ZC3H12C: variants seen among roughly 807,000 people sequenced by gnomAD.
The protein encoded by ZC3H12C is probable ribonuclease ZC3H12C.
ZC3H12C carries 20 observed loss-of-function variants against 76.3 expected under a neutral mutation model. The ratio of observed to expected loss-of-function variants is 0.26; its 90% CI spans 0.18 to 0.38. ZC3H12C has a LOEUF of 0.38. Ranked by LOEUF, ZC3H12C falls within the 10% of genes least tolerant of loss-of-function variation. The pLI is 1.00. For missense variants in ZC3H12C, 874 were observed against 1,086.5 expected, an observed-to-expected ratio of 0.80 and a Z score of 2.75; for synonymous variants, 352 against 399.6, an observed-to-expected ratio of 0.88 and a Z score of 1.42.
chr11:110,138,645 C>T (rs1862014716), intron 2 of ZC3H12C, among the ~76,000 whole-genome samples: 1 of 151,818 alleles, frequency 6.6e-6, no homozygotes, highest in African/African-American at 2.4e-5. Flanking sequence ...GCAACCTCCG[C>T]CCCCAGGTTC....
rs1431314557 is a variant in ZC3H12C, at chr11:110,169,833, G to A, written c.*4096G>A. 1.3e-5 allele frequency: 2 copies of A among 152,148 alleles called. No homozygotes were observed. The highest frequency in any genetic ancestry group is 6.5e-5 in the Admixed American group (1 of 15,270). 9.4% of individuals were successfully genotyped at this position (152,148 alleles called of 1,614,324 possible). Reference sequence around the variant, plus strand: ...AAGGATCAGATAGTAAATAATACAGGAATCATATGGACTTCAAATGCCATT... The same window carrying A: ...AAGGATCAGATAGTAAATAATACAGAAATCATATGGACTTCAAATGCCATT... On this transcript the variant is annotated 3_prime_UTR_variant, in exon 6 of 6. Transcript: ENST00000278590.
chr11:110,162,921 T>C (rs621672), intron 4 of ZC3H12C, among the ~76,000 whole-genome samples: 108,600 of 152,006 alleles, frequency 0.71, 39,110 homozygotes, highest in South Asian at 0.79. Context: ...CAGCAGTCCA[T>C]TTCATGAGGT....
chr11:110,095,615 GC>G (rs2134138506), intron 1 of ZC3H12C, among the ~76,000 whole-genome samples: 1 of 152,278 alleles, frequency 6.6e-6, no homozygotes, highest in Non-Finnish European at 1.5e-5. Context: ...GCTGTGTAAG[GC>G]CCCCGACCTC....
chr11:110,164,881 TG>T lies in ZC3H12C; in HGVS notation c.1797del (p.Ser600ValfsTer14), dbSNP rs1461858427. On this transcript the variant is annotated frameshift_variant, in exon 6 of 6. Coordinates refer to ENST00000278590, the MANE Select transcript of ZC3H12C (RefSeq NM_033390.2). LOFTEE classifies it high-confidence loss of function. The surrounding 1 kb of genome is among the most constrained non-coding windows in gnomAD (Gnocchi z 5.7). The part of the protein sequence containing the change: ...YYSMLNAYSN[L>X]SLSGPRSPER... Reference sequence around the variant, plus strand: ...TCCATGTTGAATGCATACTCAAATCTGAGTCTCTCAGGCCCACGAAGCCCTG... The same window carrying T: ...TCCATGTTGAATGCATACTCAAATCTAGTCTCTCAGGCCCACGAAGCCCTG... 5.6e-6 allele frequency: 9 copies of T among 1,613,886 alleles called. No homozygotes were observed. The highest frequency in any genetic ancestry group is 7.6e-6 in the Non-Finnish European group (9 of 1,179,888).
In ZC3H12C at chr11:110,136,745, A is replaced by G; in HGVS notation, c.104A>G (p.Lys35Arg). Reference sequence around the variant, plus strand: ...ACACGTAACAACTTCATGGGCTTGAAGGATCACCTAGGGCATGACCTCGGC... The same window carrying G: ...ACACGTAACAACTTCATGGGCTTGAGGGATCACCTAGGGCATGACCTCGGC... ...SSTRNNFMGL[K>R]DHLGHDLGHL... The change falls in exon 2 of 6, where the codon AAG becomes AGG. Residue 35 changes from lysine to arginine, a missense_variant. Around this residue, in one of 3 missense-constraint regions of ZC3H12C, gnomAD observed 210 missense variants for 227.1 expected, o/e 0.92. Coordinates refer to ENST00000278590, the MANE Select transcript of ZC3H12C (RefSeq NM_033390.2). 6.2e-7 allele frequency: 1 copy of G among 1,614,014 alleles called. No homozygotes were observed. Among genetic ancestry groups the G allele is most frequent in the Non-Finnish European group, 8.5e-7 (1 of 1,179,894 alleles).
intron 2 of ZC3H12C, among the ~76,000 whole-genome samples, chr11:110,147,453 G>T (rs766581639): frequency 6.6e-6 from 1 of 151,946 alleles, no homozygotes; most frequent in Non-Finnish European, 1.5e-5. Flanking sequence ...CCTGTCAGGG[G>T]GTCGGAGGGA....
chr11:110,135,490 CAAAAAA>C (rs60107794), intron 1 of ZC3H12C, among the ~76,000 whole-genome samples: 3 of 95,320 alleles, frequency 3.1e-5, no homozygotes, highest in African/African-American at 4.3e-5. Flanking sequence ...ACTCCCGTCT[CAAAAAA>C]AAAAAAAAAA....
At chr11:110,108,605 G>C (rs1031083049) in intron 1 of ZC3H12C, among the ~76,000 whole-genome samples, 1 of 152,006 alleles carries the variant, frequency 6.6e-6, no homozygotes, top group Non-Finnish European at 1.5e-5. Flanking sequence ...TTTTGCTCCT[G>C]GACTCTTTTT....
At position 110,164,881 on chromosome 11, in the gene ZC3H12C, T is replaced by G; in HGVS notation, c.1796T>G (p.Leu599Arg). 2 of 1,614,004 alleles carry G rather than the reference T, an allele frequency of 1.2e-6. No individual in the cohort carries two copies. The highest frequency in any genetic ancestry group is 1.7e-6 in the Non-Finnish European group (2 of 1,179,880). The change falls in exon 6 of 6, where the codon CTG becomes CGG. Residue 599 changes from leucine (L) to arginine (R), a missense_variant. Coordinates refer to ENST00000278590, the MANE Select transcript of ZC3H12C (RefSeq NM_033390.2). The surrounding 1 kb of genome is among the most constrained non-coding windows in gnomAD (Gnocchi z 5.7). ...TCCATGTTGAATGCATACTCAAATC[T>G]GAGTCTCTCAGGCCCACGAAGCCCT... ...YYSMLNAYSN[L>R]SLSGPRSPER...
rs1037608393 is a variant in ZC3H12C at position 110,170,143 on chromosome 11, A to G, written c.*4406A>G. On this transcript the variant is annotated 3_prime_UTR_variant, in exon 6 of 6. Transcript: ENST00000278590. ...ATGTTAAAGCATCTTAATTCATTTG[A>G]GTTTTCTTACCTGTTTACACCCATT... 2.0e-5 allele frequency: 3 copies of G among 152,126 alleles called. No individual in the cohort carries two copies. Among genetic ancestry groups the G allele is most frequent in the Non-Finnish European group, 1.5e-5 (1 of 67,998 alleles). The allele number at this position is 152,126 out of a possible 1,614,324, so 9.4% of individuals were successfully genotyped here.
intron 1 of ZC3H12C, among the ~76,000 whole-genome samples, chr11:110,132,221 T>G (rs1861880050): frequency 6.6e-6 from 1 of 151,596 alleles, no homozygotes; most frequent in African/African-American, 2.4e-5. Flanking sequence ...CTCTTTAGAA[T>G]AGAAAAAAGA....
chr11:110,103,854 TG>T (rs1861267320), intron 1 of ZC3H12C, among the ~76,000 whole-genome samples: 1 of 152,074 alleles, frequency 6.6e-6, no homozygotes, highest in African/African-American at 2.4e-5. Flanking sequence ...CCGCCCGCCT[TG>T]GCCTCCCAAA....
chr11:110,095,536 G>A (rs1280317712), intron 1 of ZC3H12C, among the ~76,000 whole-genome samples: 1 of 152,180 alleles, frequency 6.6e-6, no homozygotes, highest in Non-Finnish European at 1.5e-5. Context: ...CTAATCTGCA[G>A]TTATTGCTCA....
At chr11:110,099,115 GTTAT>G (rs1403222993) in intron 1 of ZC3H12C, among the ~76,000 whole-genome samples, 7 of 152,120 alleles carry the variant, frequency 4.6e-5, no homozygotes, top group Admixed American at 6.5e-5. Context: ...CTAACGTTGT[GTTAT>G]TTAATCATTC....
At chr11:110,111,359 C>T (rs1293264016) in intron 1 of ZC3H12C, among the ~76,000 whole-genome samples, 1 of 152,050 alleles carries the variant, frequency 6.6e-6, no homozygotes, top group Non-Finnish European at 1.5e-5. Flanking sequence ...AACCTACATA[C>T]AGTGTATAGA....
rs1437852007 is a variant in ZC3H12C at position 110,164,354 on chromosome 11, C to T, written c.1269C>T (p.Thr423=). Residue 423 remains threonine, a synonymous_variant, in exon 6 of 6, where the codon ACC becomes ACT. Coordinates refer to ENST00000278590, the MANE Select transcript of ZC3H12C (RefSeq NM_033390.2). This position sits in a 1 kb window ranked among gnomAD's most constrained non-coding sequence, Gnocchi z 5.7. ...KQPCPYGKKC[T]YGHKCKYYHP... ...TACTCTTCTTAGGAAAGAAGTGTACCTATGGACACAAGTGCAAATATTACC... is the reference window on the plus strand; with the variant it reads ...TACTCTTCTTAGGAAAGAAGTGTACTTATGGACACAAGTGCAAATATTACC... The T allele has an allele frequency of 6.2e-7, 1 of 1,610,432 alleles. No homozygotes were observed. The highest frequency in any genetic ancestry group is 8.5e-7 in the Non-Finnish European group (1 of 1,178,518).
At chr11:110,114,432 C>G (rs1468037635) in intron 1 of ZC3H12C, among the ~76,000 whole-genome samples, 2 of 152,162 alleles carry the variant, frequency 1.3e-5, no homozygotes, top group Non-Finnish European at 2.9e-5. Context: ...TATCTGGTTT[C>G]CTTAATACAT....
chr11:110,126,273 G>T (rs1861746288), intron 1 of ZC3H12C, among the ~76,000 whole-genome samples: 1 of 142,144 alleles, frequency 7.0e-6, no homozygotes, highest in African/African-American at 2.6e-5. Flanking sequence ...GCCCAGGCTG[G>T]AGTGCAACTC....
chr11:110,165,796 G>A lies in ZC3H12C; in HGVS notation c.*59G>A. 1 of 1,464,470 alleles carries A rather than the reference G, an allele frequency of 6.8e-7. No homozygotes were observed. Among genetic ancestry groups the A allele is most frequent in the Non-Finnish European group, 9.1e-7 (1 of 1,094,072 alleles). 90.7% of individuals were successfully genotyped at this position (1,464,470 alleles called of 1,614,324 possible). On this transcript the variant is annotated 3_prime_UTR_variant, in exon 6 of 6. Transcript: ENST00000278590. ...TTTGTTCAGCTCAAATGCTGAGGGA[G>A]GTTTGCTACAATAGCACATGTGATC...
Sources: allele counts gnomAD v4.1 joint callset (sites outside exome capture counted in the v4.1 genomes callset), GRCh38; gene constraint gnomAD v4.1.1; regional missense constraint gnomAD v4.1.1; non-coding constraint Gnocchi (gnomAD v3.1); transcripts MANE v1.5; gene names NCBI Gene and HGNC (gene_info 2026-07-23, HGNC 2026-07-21).